Variants in ZC3H4 observed in about 807,000 individuals in gnomAD.
ZC3H4 encodes the protein zinc finger CCCH-type containing 4.
In ZC3H4, 13 loss-of-function variants were observed where a neutral mutation model predicts 108.3. The ratio of observed to expected loss-of-function variants is 0.12; its 90% CI spans 0.08 to 0.19. The LOEUF (loss-of-function observed/expected upper bound fraction) is 0.19, where lower values mean the gene tolerates loss of function less well. Among genes scored for constraint, ZC3H4 ranks in the 10% least tolerant of loss-of-function variants. The probability of loss-of-function intolerance (pLI) is 1.00; values close to 1 mark genes in which losing one functional copy is unlikely to be tolerated. For synonymous variants in ZC3H4, 917 were observed against 749.6 expected (o/e 1.22, Z -3.65); for missense variants, 1,734 against 1,838.8 (o/e 0.94, Z 1.04).
At chr19:47,103,589 G>C (rs1324982559) in intron 2 of ZC3H4, among the ~76,000 whole-genome samples, 2 of 152,008 alleles carry the variant, frequency 1.3e-5, no homozygotes, top group Non-Finnish European at 2.9e-5. Flanking sequence ...TTCGAGACCA[G>C]CCTGGCCAAC....
At chr19:47,103,092 C>T (rs986191072) in intron 2 of ZC3H4, among the ~76,000 whole-genome samples, 1 of 152,102 alleles carries the variant, frequency 6.6e-6, no homozygotes. Flanking sequence ...GGTATCTATC[C>T]CTCAGATCCA....
rs748026954 is a variant in ZC3H4 at position 47,066,779 on chromosome 19, C to T, written c.3489G>A (p.Pro1163=). ...TGGGCTGGGCACCCGTGTCAGCAGC[C>T]GGCTCTGTGGCTTTGCCCCCCGCGT... ...TPNAGGKATE[P]AADTGAQPKG... The change falls in exon 15 of 15, where the codon CCG becomes CCA. Residue 1163 remains proline (P), a synonymous_variant. Coordinates refer to ENST00000253048, the MANE Select transcript of ZC3H4 (RefSeq NM_015168.2). The T allele has an allele frequency of 2.9e-5, 47 of 1,601,780 alleles. No individual in the cohort carries two copies. Among genetic ancestry groups the T allele is most frequent in the Admixed American group, 1.3e-4 (8 of 59,452 alleles).
In ZC3H4 at chr19:47,099,326, G is replaced by A. The variant is rs935186662; in HGVS notation, c.162-4718C>T. 2.0e-5 allele frequency among the ~76,000 whole-genome samples: 3 copies of A among 152,036 alleles called. 1 individual carries two copies. The highest frequency in any genetic ancestry group is 7.3e-5 in the African/African-American group (3 of 41,372). On this transcript the variant is annotated intron_variant, in intron 2 of 14. Coordinates refer to ENST00000253048, the MANE Select transcript of ZC3H4 (RefSeq NM_015168.2). The stretch of plus-strand genomic sequence containing the variant: ...AATACAAAATTAGTCGGGCTTGGAA[G>A]AACACGCCTGTAAACCCAGCTACTC...
In ZC3H4 at chr19:47,112,670, T is replaced by C. The variant is rs780714927; in HGVS notation, c.-5-81A>G. 42 of 903,938 alleles carry C rather than the reference T, an allele frequency of 4.6e-5. No homozygotes were observed. The Admixed American group carries it at 9.9e-4, about 21-fold the overall frequency. 56.0% of individuals were successfully genotyped at this position (903,938 alleles called of 1,614,324 possible). On this transcript the variant is annotated intron_variant, in intron 1 of 14. Transcript: ENST00000253048. The stretch of plus-strand genomic sequence containing the variant: ...AGGGGCACACTTAAGCTCGGAGGGC[T>C]CCTGATGGGAATGGGGTATATATTT...
At chr19:47,101,818 C>T (rs1353512327) in intron 2 of ZC3H4, among the ~76,000 whole-genome samples, 1 of 149,994 alleles carries the variant, frequency 6.7e-6, no homozygotes, top group East Asian at 2.0e-4. Context: ...TTGCAATGAG[C>T]GATCGCACCA....
In ZC3H4 at chr19:47,112,513, T is replaced by C. The variant is rs1320998904; in HGVS notation, c.72A>G (p.Pro24=). 2 of 1,090,304 alleles carry C rather than the reference T, an allele frequency of 1.8e-6. No individual in the cohort carries two copies. The highest frequency in any genetic ancestry group is 2.3e-6 in the Non-Finnish European group (2 of 852,172). The allele number at this position is 1,090,304 out of a possible 1,614,324, so 67.5% of individuals were successfully genotyped here. A position where few individuals can be genotyped will look rare whatever the true frequency, so the allele number is the denominator to read the frequency against. ...ESPPPPSPPP[P]STPSPPPCSP... is the part of the protein sequence containing the mutation. ...AACACGGAGGAGGCGAAGGCGTTGA[T>C]GGCGGCGGCGGCGATGGCGGCGGCG... Residue 24 remains proline, a synonymous_variant, in exon 2 of 15, where the codon CCA becomes CCG. Transcript: ENST00000253048.
intron 1 of ZC3H4, among the ~76,000 whole-genome samples, chr19:47,113,051 C>T (rs879546910): frequency 9.8e-5 from 15 of 152,366 alleles, no homozygotes; most frequent in South Asian, 2.1e-4. Context: ...GACTGTCTCC[C>T]TTCTCTGCCC....
rs985870419 is a variant in ZC3H4, at chr19:47,070,771, G to A, written c.2146+1007C>T. Among the ~76,000 whole-genome samples the A allele has an allele frequency of 2.0e-5, 3 of 152,222 alleles. No individual in the cohort carries two copies. In the South Asian group the frequency reaches 6.2e-4, roughly 32 times the overall value. On this transcript the variant is annotated intron_variant, in intron 13 of 14. Transcript: ENST00000253048. ...ACCCCCTCAAAATTTCCACATGGCCGTCGGAGGGGCAGGCACCCTAGAGTG... is the reference window on the plus strand; with the variant it reads ...ACCCCCTCAAAATTTCCACATGGCCATCGGAGGGGCAGGCACCCTAGAGTG...
chr19:47,085,000 A>G (rs1273622896), intron 8 of ZC3H4, 56 bp downstream of exon 8: 34 of 1,602,290 alleles, frequency 2.1e-5, no homozygotes, highest in Non-Finnish European at 2.9e-5. Flanking sequence ...TTAAAGGGAA[A>G]AAGGACTAAG....
At chr19:47,069,018 G>T (rs139816173) in intron 14 of ZC3H4, 74 bp downstream of exon 14, 1 of 1,590,448 alleles carries the variant, frequency 6.3e-7, no homozygotes, top group Non-Finnish European at 8.5e-7. Context: ...ACCCAACCTG[G>T]AACACCCCAC....
chr19:47,069,647 A>G lies in ZC3H4; in HGVS notation c.2147-304T>C, dbSNP rs575263761. 5.9e-5 allele frequency among the ~76,000 whole-genome samples: 9 copies of G among 152,272 alleles called. No individual in the cohort carries two copies. In the South Asian group the frequency reaches 1.7e-3, roughly 28 times the overall value. On this transcript the variant is annotated intron_variant, in intron 13 of 14. Coordinates refer to ENST00000253048, the MANE Select transcript of ZC3H4 (RefSeq NM_015168.2). ...GAGAAAGCTTTGAAAAGACACACAG[A>G]AACAGTCCCTCTGGAACACAGATTC... is the stretch of plus-strand genomic sequence containing the variant.
At chr19:47,085,747 C>T (rs1304829585) in intron 6 of ZC3H4, among the ~76,000 whole-genome samples, 2 of 152,178 alleles carry the variant, frequency 1.3e-5, no homozygotes, top group African/African-American at 2.4e-5. Context: ...TGCCGCTCCT[C>T]CTCCTGGGTC....
At chr19:47,100,677 T>C (rs925147610) in intron 2 of ZC3H4, among the ~76,000 whole-genome samples, 1 of 151,998 alleles carries the variant, frequency 6.6e-6, no homozygotes, top group Non-Finnish European at 1.5e-5. Flanking sequence ...ATGAGTTTTG[T>C]AGAAAGGTTT....
At chr19:47,068,469 G>T (rs933290102) in intron 14 of ZC3H4, among the ~76,000 whole-genome samples, 2 of 152,224 alleles carry the variant, frequency 1.3e-5, no homozygotes, top group Non-Finnish European at 2.9e-5. Flanking sequence ...TAAGAGGCAG[G>T]GCCGGCTGGG....
In ZC3H4 at chr19:47,094,455, C is replaced by G. The variant is rs2057789329; in HGVS notation, c.315G>C (p.Arg105=). 1 of 1,614,112 alleles carries G rather than the reference C, an allele frequency of 6.2e-7. No homozygotes were observed. Among genetic ancestry groups the G allele is most frequent in the Non-Finnish European group, 8.5e-7 (1 of 1,180,048 alleles). Residue 105 remains arginine, a synonymous_variant, in exon 3 of 15, where the codon CGG becomes CGC. Coordinates refer to ENST00000253048, the MANE Select transcript of ZC3H4 (RefSeq NM_015168.2). ...CTTTCTCCCGCTCTTTCTTCCGTTTCCGCTTCAGTCTCCTGTGGGACTTCT... is the reference window on the plus strand; with the variant it reads ...CTTTCTCCCGCTCTTTCTTCCGTTTGCGCTTCAGTCTCCTGTGGGACTTCT... ...DEEKSHRRLK[R]KRKKEREKEK... is the part of the protein sequence containing the mutation.
chr19:47,112,375 C>T, intron 2 of ZC3H4, 49 bp downstream of exon 2: 3 of 1,229,734 alleles, frequency 2.4e-6, no homozygotes, highest in Non-Finnish European at 2.0e-6. Flanking sequence ...TCCTCCTCCT[C>T]CTCTTCCTCC....
chr19:47,094,790 T>C (rs1418687811), intron 2 of ZC3H4, among the ~76,000 whole-genome samples, 182 bp from the exon 3 acceptor site: 2 of 152,144 alleles, frequency 1.3e-5, no homozygotes, highest in African/African-American at 4.8e-5. Context: ...GAAAGAACTG[T>C]GCTTGCTCCA....
rs1306695648 is a variant in ZC3H4, at chr19:47,067,347, G to A, written c.2921C>T (p.Ala974Val). 1.9e-6 allele frequency: 3 copies of A among 1,603,232 alleles called. No individual in the cohort carries two copies. Among genetic ancestry groups the A allele is most frequent in the Non-Finnish European group, 8.5e-7 (1 of 1,173,996 alleles). The change falls in exon 15 of 15, where the codon GCC becomes GTC. Residue 974 changes from alanine to valine, a missense_variant. By Grantham distance (64) the Ala-to-Val change is moderately conservative. Transcript: ENST00000253048. This position sits in a 1 kb window ranked among gnomAD's most constrained non-coding sequence, Gnocchi z 6.4. ...CTCGGGATTCCAGAGCACGGTGCGG[G>A]CGAAGCTGGGCTTGCTCAGGGTCAC... is the stretch of plus-strand genomic sequence containing the variant. ...KDVTLSKPSF[A>V]RTVLWNPEDL...
At position 47,064,778 on chromosome 19, in the gene ZC3H4, C is replaced by T. The variant is rs1010004593; in HGVS notation, c.*1578G>A. The T allele has an allele frequency of 3.3e-5, 5 of 151,094 alleles. No homozygotes were observed. Among genetic ancestry groups the T allele is most frequent in the Admixed American group, 6.6e-5 (1 of 15,168 alleles). 9.4% of individuals were successfully genotyped at this position (151,094 alleles called of 1,614,324 possible). On this transcript the variant is annotated 3_prime_UTR_variant, in exon 15 of 15. Transcript: ENST00000253048. ...CAAACCAACCAACCAGATCCCAGCA[C>T]TGACCCCTCAGGGCTGTGCAGCCCT...
Sources: gnomAD v4.1 joint callset for allele counts (sites outside exome capture counted in the v4.1 genomes callset) on GRCh38, gnomAD v4.1.1 for gene constraint, Gnocchi (gnomAD v3.1) non-coding constraint, MANE v1.5 for transcripts, NCBI Gene and HGNC (gene_info 2026-07-23, HGNC 2026-07-21) for gene names.